The following BRD7 variants were observed in gnomAD, a reference collection of about 807,000 sequenced individuals.
BRD7 encodes bromodomain containing 7, also known as bromodomain-containing protein 7.
In BRD7, 15 loss-of-function variants were observed where a neutral mutation model predicts 82.1. That is an observed-to-expected ratio of 0.18 (90% CI 0.12 to 0.28). The LOEUF is 0.28. Among genes scored for constraint, BRD7 ranks in the 10% least tolerant of loss-of-function variants. The pLI is 1.00. For synonymous variants in BRD7, 232 were observed against 266.9 expected, an observed-to-expected ratio of 0.87 and a Z score of 1.27; for missense variants, 638 against 779.9, an observed-to-expected ratio of 0.82 and a Z score of 2.17.
intron 2 of BRD7, among the ~76,000 whole-genome samples, chr16:50,357,334 T>A (rs931522143): frequency 6.6e-6 from 1 of 152,234 alleles, no homozygotes; most frequent in East Asian, 1.9e-4. Flanking sequence ...TATGGTTGTT[T>A]TAAAAGTTCC....
At chr16:50,342,532 G>A (rs11644789) in intron 5 of BRD7, among the ~76,000 whole-genome samples, 5 of 122,914 alleles carry the variant, frequency 4.1e-5, no homozygotes, top group African/African-American at 9.4e-5. Flanking sequence ...GCCATTCTCC[G>A]GCCTCAGCCT....
rs185728487 is a variant in BRD7, at chr16:50,335,637, T to C, written c.703-742A>G. ...TGGGTAAAATAGAGTGCAACCTCCT[T>C]AGGGCTGCACAGCAACAGCAGGGAA... On this transcript the variant is annotated intron_variant, in intron 6 of 16. Coordinates refer to ENST00000394688, the MANE Select transcript of BRD7 (RefSeq NM_013263.5). Among the ~76,000 whole-genome samples the C allele has an allele frequency of 3.3e-5, 5 of 152,314 alleles. No individual in the cohort carries two copies. The East Asian group carries it at 7.7e-4, about 23-fold the overall frequency.
chr16:50,362,675 A>C (rs1298887249), intron 2 of BRD7, among the ~76,000 whole-genome samples: 2 of 152,246 alleles, frequency 1.3e-5, no homozygotes, highest in Non-Finnish European at 2.9e-5. Flanking sequence ...ACATTGTGCT[A>C]AATGATATAG....
intron 2 of BRD7, among the ~76,000 whole-genome samples, chr16:50,357,509 A>G (rs1228924953): frequency 6.6e-6 from 1 of 152,236 alleles, no homozygotes; most frequent in Non-Finnish European, 1.5e-5. Flanking sequence ...GTAGGCTGGC[A>G]AGTTTAGAAG....
At chr16:50,356,054 A>G (rs2038718993) in intron 2 of BRD7, among the ~76,000 whole-genome samples, 1 of 152,254 alleles carries the variant, frequency 6.6e-6, no homozygotes, top group Non-Finnish European at 1.5e-5. Flanking sequence ...TGTTGAGAAC[A>G]TGAGAACTAG....
At chr16:50,323,160 TAATAA>T (rs1414051843) in intron 12 of BRD7, among the ~76,000 whole-genome samples, 1 of 152,250 alleles carries the variant, frequency 6.6e-6, no homozygotes, top group Admixed American at 6.5e-5. Context: ...TTACAAATGT[TAATAA>T]AATAGCAATG....
chr16:50,366,342 T>A (rs1159747318), intron 2 of BRD7, among the ~76,000 whole-genome samples: 1 of 152,066 alleles, frequency 6.6e-6, no homozygotes, highest in Non-Finnish European at 1.5e-5. Flanking sequence ...AGCAACTAAT[T>A]CAGCCTCCAG....
At chr16:50,337,256 CTTTTT>C (rs71138063) in intron 6 of BRD7, among the ~76,000 whole-genome samples, 62 of 93,254 alleles carry the variant, frequency 6.6e-4, no homozygotes, top group African/African-American at 2.1e-3. Context: ...GTTCATTCTT[CTTTTT>C]TTTTTTTTTT....
intron 5 of BRD7, chr16:50,349,559 C>T (rs2038435345): frequency 2.1e-6 from 1 of 469,760 alleles, no homozygotes; most frequent in Non-Finnish European, 4.4e-6. Flanking sequence ...GTGTCCTGTA[C>T]AGCCTGTGGA....
chr16:50,368,076 G>A lies in BRD7; in HGVS notation c.258+14C>T. ...GTGCCGTCCGCAAAGCCAAAGCAAT[G>A]TAACCACTTGTACCTTAACTCTTCT... On this transcript the variant is annotated intron_variant, in intron 2 of 16. Transcript: ENST00000394688. 1.4e-5 allele frequency: 23 copies of A among 1,613,130 alleles called. No homozygotes were observed. Among genetic ancestry groups the A allele is most frequent in the Non-Finnish European group, 2.0e-5 (23 of 1,179,312 alleles).
In BRD7 at chr16:50,320,008, A is replaced by G. The variant is rs1267991999; in HGVS notation, c.1779T>C (p.Leu593=). The change falls in exon 16 of 17, where the codon CTT becomes CTC. Residue 593 remains leucine, a synonymous_variant. Coordinates refer to ENST00000394688, the MANE Select transcript of BRD7 (RefSeq NM_013263.5). ...MHLAEQVTNN[L]KELAQQVTPG... ...GAGTTACTTGCTGTGCAAGTTCTTT[A>G]AGATTATTGGTCACTTGTTCAGCTA... 8 of 1,610,368 alleles carry G rather than the reference A, an allele frequency of 5.0e-6. No individual in the cohort carries two copies. Among genetic ancestry groups the G allele is most frequent in the Middle Eastern group, 1.7e-4 (1 of 5,996 alleles).
chr16:50,343,923 C>T (rs1027833837), intron 5 of BRD7, among the ~76,000 whole-genome samples: 14 of 152,192 alleles, frequency 9.2e-5, no homozygotes, highest in South Asian at 6.2e-4. Context: ...AGTGGTTCTG[C>T]CAGCATGGAG....
intron 13 of BRD7, among the ~76,000 whole-genome samples, chr16:50,321,605 T>C (rs887698202): frequency 2.6e-5 from 4 of 151,596 alleles, no homozygotes; most frequent in African/African-American, 9.7e-5. Context: ...AGATGGAGTT[T>C]TTATTTTCAG....
chr16:50,326,354 A>G lies in BRD7; in HGVS notation c.1125T>C (p.Thr375=), dbSNP rs759644018. The change falls in exon 10 of 17, where the codon ACT becomes ACC. Residue 375 remains threonine, a synonymous_variant. Transcript: ENST00000394688. ...TATTCACTCCAGACTGAAGTCTTCCAGTTGTCATTCCCAGTCTCACAGGGC... is the reference window on the plus strand; with the variant it reads ...TATTCACTCCAGACTGAAGTCTTCCGGTTGTCATTCCCAGTCTCACAGGGC... ...GYCPVRLGMT[T]GRLQSGVNTL... 5.6e-6 allele frequency: 9 copies of G among 1,599,754 alleles called. No homozygotes were observed. Among genetic ancestry groups the G allele is most frequent in the South Asian group, 3.3e-5 (3 of 90,184 alleles).
At chr16:50,356,811 T>C (rs546020582) in intron 2 of BRD7, among the ~76,000 whole-genome samples, 37 of 152,174 alleles carry the variant, frequency 2.4e-4, no homozygotes, top group African/African-American at 4.6e-4. Context: ...GGTATCAAGA[T>C]GGTAGTTTTA....
chr16:50,328,757 A>G lies in BRD7; in HGVS notation c.1012-13T>C. 6.2e-7 allele frequency: 1 copy of G among 1,612,484 alleles called. No individual in the cohort carries two copies. The highest frequency in any genetic ancestry group is 8.5e-7 in the Non-Finnish European group (1 of 1,179,114). ...TTTCAAATTCGCACTGCAATGACCC[A>G]AAGTATTCAGATGGAATGAAGTGTT... On this transcript the variant is annotated splice_polypyrimidine_tract_variant and intron_variant, in intron 8 of 16. Coordinates refer to ENST00000394688, the MANE Select transcript of BRD7 (RefSeq NM_013263.5).
At chr16:50,331,633 T>C (rs1019204635) in intron 8 of BRD7, among the ~76,000 whole-genome samples, 2 of 152,168 alleles carry the variant, frequency 1.3e-5, no homozygotes, top group Non-Finnish European at 2.9e-5. Context: ...GCTCCCAAGG[T>C]GGAGGCTGTA....
At chr16:50,342,771 C>A (rs2038122422) in intron 5 of BRD7, among the ~76,000 whole-genome samples, 2 of 151,976 alleles carry the variant, frequency 1.3e-5, no homozygotes, top group African/African-American at 2.4e-5. Flanking sequence ...ATTAGGGTAA[C>A]CAATTAGGGT....
intron 5 of BRD7, chr16:50,349,390 TAAA>T: frequency 3.6e-6 from 1 of 274,166 alleles, no homozygotes; most frequent in South Asian, 3.2e-5. Flanking sequence ...GAACTTAAAT[TAAA>T]AAAAAAAAAA....
Sources: gnomAD v4.1 joint callset for allele counts (sites outside exome capture counted in the v4.1 genomes callset) on GRCh38, gnomAD v4.1.1 for gene constraint, MANE v1.5 for transcripts, NCBI Gene and HGNC (gene_info 2026-07-23, HGNC 2026-07-21) for gene names.